The following HSD17B7 variants were observed in gnomAD, a reference collection of about 807,000 sequenced individuals.
The protein encoded by HSD17B7 is 3-keto-steroid reductase/17-beta-hydroxysteroid dehydrogenase 7.
HSD17B7 carries 17 observed loss-of-function variants against 34.1 expected under a neutral mutation model. That is an observed-to-expected ratio of 0.50 (90% CI 0.34 to 0.75). The LOEUF (loss-of-function observed/expected upper bound fraction) is 0.75. Ranked by LOEUF, HSD17B7 falls within the 30% of genes least tolerant of loss-of-function variation. The pLI, the probability that HSD17B7 is intolerant of heterozygous loss-of-function variation, is 0.01. For synonymous variants in HSD17B7, 122 were observed against 154.6 expected (o/e 0.79, Z 1.56); for missense variants, 296 against 406.6 (o/e 0.73, Z 2.34).
chr1:162,811,755 A>G (rs1571013344), intron 8 of HSD17B7, among the ~76,000 whole-genome samples: 1 of 152,204 alleles, frequency 6.6e-6, no homozygotes, highest in Admixed American at 6.5e-5. Context: ...GGAAGAAGGG[A>G]AGAAAAAAGG....
At chr1:162,809,591 G>T (rs1649107442) in intron 8 of HSD17B7, among the ~76,000 whole-genome samples, 1 of 151,986 alleles carries the variant, frequency 6.6e-6, no homozygotes, top group Non-Finnish European at 1.5e-5. Context: ...GAATCCATCT[G>T]GTCCTGGGCT....
At chr1:162,809,796 C>G (rs1397171901) in intron 8 of HSD17B7, among the ~76,000 whole-genome samples, 1 of 151,486 alleles carries the variant, frequency 6.6e-6, no homozygotes, top group Non-Finnish European at 1.5e-5. Flanking sequence ...GTGGTGATAT[C>G]CCTTTTATCA....
chr1:162,806,560 A>G (rs1406698014), intron 8 of HSD17B7, among the ~76,000 whole-genome samples: 1 of 152,238 alleles, frequency 6.6e-6, no homozygotes, highest in Non-Finnish European at 1.5e-5. Context: ...TGAGAAGTTG[A>G]AACAGTTAAG....
chr1:162,800,626 G>C (rs4657230), intron 5 of HSD17B7, among the ~76,000 whole-genome samples: 44,770 of 152,068 alleles, frequency 0.29, 7,169 homozygotes, highest in Non-Finnish European at 0.36. Flanking sequence ...CTGCTTCTTT[G>C]TATGTCTCTG....
intron 8 of HSD17B7, among the ~76,000 whole-genome samples, chr1:162,811,094 T>A (rs898992640): frequency 3.4e-4 from 51 of 152,238 alleles, no homozygotes; most frequent in Admixed American, 5.2e-4. Flanking sequence ...TACCGGTTGT[T>A]CCTTTCCATG....
At position 162,805,454 on chromosome 1, in the gene HSD17B7, A is replaced by G; in HGVS notation, c.865A>G (p.Thr289Ala). 6.2e-7 allele frequency: 1 copy of G among 1,613,146 alleles called. No individual in the cohort carries two copies. The highest frequency in any genetic ancestry group is 1.1e-5 in the South Asian group (1 of 91,008). ...LNPLIKYLSA[T>A]TGFGRNYIMT... ...TCCTCTGATCAAATATCTGAGTGCC[A>G]CCACTGGCTTTGGAAGAAATTACAT... The change falls in exon 8 of 9, where the codon ACC (threonine) becomes GCC (alanine). Residue 289 changes from threonine to alanine, a missense_variant. Coordinates refer to ENST00000254521, the MANE Select transcript of HSD17B7 (RefSeq NM_016371.4).
intron 5 of HSD17B7, among the ~76,000 whole-genome samples, chr1:162,800,863 C>G (rs1648785112): frequency 6.6e-6 from 1 of 152,204 alleles, no homozygotes; most frequent in Admixed American, 6.5e-5. Context: ...CTCAACGGAG[C>G]TTCTTGGATC....
rs943662265 is a variant in HSD17B7, at chr1:162,799,947, G to C, written c.642+10G>C. On this transcript the variant is annotated intron_variant, in intron 5 of 8. Coordinates refer to ENST00000254521, the MANE Select transcript of HSD17B7 (RefSeq NM_016371.4). ...GAACTTCAACCAGCAGGTAAGGCCTGTCTCAGTGATACGGAAATGGCAGAG... is the reference window on the plus strand; with the variant it reads ...GAACTTCAACCAGCAGGTAAGGCCTCTCTCAGTGATACGGAAATGGCAGAG... The C allele has an allele frequency of 1.9e-6, 3 of 1,612,670 alleles. 1 individual carries two copies. In the African/African-American group the frequency reaches 4.0e-5, roughly 22 times the overall value.
Position 162,811,815 on chromosome 1 carries a change from A to G in HSD17B7, c.904-483A>G, listed in dbSNP as rs144770960. ...CTCCAGGTATTATTTACATCTCACT[A>G]GCCAGAACATAGTCTCATGGCTCTG... On this transcript the variant is annotated intron_variant, in intron 8 of 8. Coordinates refer to ENST00000254521, the MANE Select transcript of HSD17B7 (RefSeq NM_016371.4). Among the ~76,000 whole-genome samples the G allele has an allele frequency of 4.6e-3, 703 of 152,328 alleles. 1 individual carries two copies. Among genetic ancestry groups the G allele is most frequent in the Non-Finnish European group, 8.1e-3 (553 of 68,034 alleles).
intron 8 of HSD17B7, among the ~76,000 whole-genome samples, chr1:162,809,770 T>A (rs1649112944): frequency 6.6e-6 from 1 of 152,150 alleles, no homozygotes; most frequent in Non-Finnish European, 1.5e-5. Flanking sequence ...GTTTATAGTA[T>A]TCTCAGATGG....
Position 162,797,857 on chromosome 1 carries a change from A to G in HSD17B7, c.388A>G (p.Ile130Val). ...AEGLLTQGDK[I>V]TADGLQEVFE... ...AGGCCTGCTGACCCAGGGTGATAAG[A>G]TCACTGCTGATGGACTTCAGGAGGT... The change falls in exon 4 of 9, where the codon ATC becomes GTC. Residue 130 changes from isoleucine (I) to valine (V), a missense_variant. Ile to Val is a conservative substitution (Grantham distance 29). Transcript: ENST00000254521. The G allele has an allele frequency of 1.2e-6, 2 of 1,613,832 alleles. No homozygotes were observed. Among genetic ancestry groups the G allele is most frequent in the South Asian group, 2.2e-5 (2 of 91,046 alleles).
chr1:162,800,857 A>G (rs11589262), intron 5 of HSD17B7, among the ~76,000 whole-genome samples: 44,757 of 152,142 alleles, frequency 0.29, 7,161 homozygotes, highest in Non-Finnish European at 0.36. Flanking sequence ...TTTTACCTCA[A>G]CGGAGCTTCT....
At chr1:162,805,942 A>G (rs1190710457) in intron 8 of HSD17B7, among the ~76,000 whole-genome samples, 1 of 152,164 alleles carries the variant, frequency 6.6e-6, no homozygotes, top group Non-Finnish European at 1.5e-5. Flanking sequence ...TTGCAAGTTG[A>G]ATGAAATATG....
chr1:162,793,960 A>G (rs2262154), intron 2 of HSD17B7, among the ~76,000 whole-genome samples: 3 of 152,210 alleles, frequency 2.0e-5, no homozygotes, highest in Non-Finnish European at 4.4e-5. Flanking sequence ...CATTTGATCA[A>G]TAGTTGGTAT....
chr1:162,803,420 T>C lies in HSD17B7; in HGVS notation c.643-11T>C. On this transcript the variant is annotated splice_polypyrimidine_tract_variant and intron_variant, in intron 5 of 8. Transcript: ENST00000254521. ...AGTTAAAGTCTCATTGCTACACCTCTCTGTTCCTAGGGTCTCTATTCCAAT... is the reference window on the plus strand; with the variant it reads ...AGTTAAAGTCTCATTGCTACACCTCCCTGTTCCTAGGGTCTCTATTCCAAT... 1 of 1,611,448 alleles carries C rather than the reference T, an allele frequency of 6.2e-7. No individual in the cohort carries two copies. The highest frequency in any genetic ancestry group is 8.5e-7 in the Non-Finnish European group (1 of 1,178,240).
intron 5 of HSD17B7, 126 bp downstream of exon 5, chr1:162,800,063 A>G (rs767884080): frequency 1.2e-5 from 10 of 829,560 alleles, no homozygotes; most frequent in Admixed American, 2.1e-5. Flanking sequence ...TTTGGTGTAT[A>G]TGAAAGTGTT....
intron 8 of HSD17B7, among the ~76,000 whole-genome samples, chr1:162,809,293 T>C (rs1227098991): frequency 1.3e-5 from 2 of 152,188 alleles, no homozygotes; most frequent in Non-Finnish European, 2.9e-5. Context: ...GTATGTTGAA[T>C]CAGCCTTGCA....
intron 8 of HSD17B7, among the ~76,000 whole-genome samples, chr1:162,809,233 G>T (rs1432944379): frequency 6.6e-6 from 1 of 152,078 alleles, no homozygotes; most frequent in East Asian, 1.9e-4. Flanking sequence ...TAATCATTTG[G>T]TTTTTGTCTT....
chr1:162,791,841 C>T (rs2102227775), intron 1 of HSD17B7, among the ~76,000 whole-genome samples: 2 of 152,168 alleles, frequency 1.3e-5, no homozygotes, highest in South Asian at 4.1e-4. Context: ...TAATAGATTA[C>T]TGATGGTTCC....
Sources: allele counts gnomAD v4.1 joint callset (sites outside exome capture counted in the v4.1 genomes callset), GRCh38; gene constraint gnomAD v4.1.1; transcripts MANE v1.5; gene names NCBI Gene and HGNC (gene_info 2026-07-23, HGNC 2026-07-21).